HELZ: variants seen among roughly 807,000 people sequenced by gnomAD.
HELZ encodes helicase with zinc finger.
A neutral mutation model predicts 218.2 loss-of-function variants in HELZ; 23 were observed. The observed-to-expected ratio is 0.11, with a 90% CI of 0.08 to 0.15. The LOEUF (loss-of-function observed/expected upper bound fraction) is 0.15. Among genes scored for constraint, HELZ ranks in the 10% least tolerant of loss-of-function variants. The pLI is 1.00. For synonymous variants in HELZ, 814 were observed against 829.4 expected (o/e 0.98, Z 0.32); for missense variants, 1,813 against 2,353.7 (o/e 0.77, Z 4.75).
chr17:67,222,629 T>C (rs1360516456), intron 3 of HELZ, among the ~76,000 whole-genome samples: 1 of 152,196 alleles, frequency 6.6e-6, no homozygotes. Flanking sequence ...ATACAACGCA[T>C]GCTCCGTTCA....
At position 67,070,717 on chromosome 17, in the gene HELZ, T is replaced by C. The variant is rs1466502610; in HGVS notation, c.*7535A>G. On this transcript the variant is annotated 3_prime_UTR_variant, in exon 33 of 33. Transcript: ENST00000358691. ...TTATGGTACAAAGTCACTTTTACTT[T>C]TAAGGATAAACTCTTTAGGTATTAG... 6.6e-6 allele frequency: 1 copy of C among 152,188 alleles called. No individual in the cohort carries two copies. The highest frequency in any genetic ancestry group is 1.5e-5 in the Non-Finnish European group (1 of 68,034). 9.4% of individuals were successfully genotyped at this position (152,188 alleles called of 1,614,324 possible). A position where few individuals can be genotyped will look rare whatever the true frequency, so the allele number is the denominator to read the frequency against.
intron 24 of HELZ, among the ~76,000 whole-genome samples, chr17:67,128,258 C>T (rs1228290744): frequency 1.3e-5 from 2 of 152,118 alleles, no homozygotes; most frequent in Non-Finnish European, 2.9e-5. Flanking sequence ...TTGCTTTATA[C>T]AAATATCGTT....
At chr17:67,156,795 T>C (rs766708218) in intron 17 of HELZ, among the ~76,000 whole-genome samples, 2 of 152,104 alleles carry the variant, frequency 1.3e-5, no homozygotes, top group Non-Finnish European at 2.9e-5. Flanking sequence ...TAATATTTCA[T>C]TGTAAAATTG....
intron 20 of HELZ, among the ~76,000 whole-genome samples, chr17:67,148,053 G>A (rs2038559917): frequency 6.6e-6 from 1 of 152,150 alleles, no homozygotes; most frequent in East Asian, 1.9e-4. Context: ...CAAATTAAGT[G>A]AACCCAAAGA....
intron 13 of HELZ, among the ~76,000 whole-genome samples, chr17:67,171,832 G>GT (rs1171279326): frequency 6.8e-6 from 1 of 146,112 alleles, no homozygotes; most frequent in Admixed American, 6.7e-5. Context: ...CTTTTGTTTT[G>GT]TTTTGTTTTT....
intron 31 of HELZ, 40 bp downstream of exon 31, chr17:67,107,129 C>G (rs1415486388): frequency 6.6e-7 from 1 of 1,522,454 alleles, no homozygotes; most frequent in Non-Finnish European, 8.9e-7. Flanking sequence ...ATATTTTTCA[C>G]AATCAGCTAA....
Position 67,120,563 on chromosome 17 carries a change from A to G in HELZ, c.3680T>C (p.Ile1227Thr), listed in dbSNP as rs2037578647. 3 of 1,613,392 alleles carry G rather than the reference A, an allele frequency of 1.9e-6. No homozygotes were observed. Among genetic ancestry groups the G allele is most frequent in the South Asian group, 1.1e-5 (1 of 91,032 alleles). ...ATAGGCCATTGCTGCCTGATGTGTAATAATTCGAGGATCAACTGCAAACCT... is the reference window on the plus strand; with the variant it reads ...ATAGGCCATTGCTGCCTGATGTGTAGTAATTCGAGGATCAACTGCAAACCT... Reference protein sequence around the residue: ...QGRFAVDPRIITHQAAMAYNM... With the variant: ...QGRFAVDPRITTHQAAMAYNM... Residue 1227 changes from isoleucine to threonine, a missense_variant, in exon 27 of 33, where the codon ATT becomes ACT. Around this residue, in one of 4 missense-constraint regions of HELZ, gnomAD observed 938 missense variants for 1,027.5 expected, o/e 0.91. Transcript: ENST00000358691.
At chr17:67,085,566 T>A (rs72848832) in intron 32 of HELZ, among the ~76,000 whole-genome samples, 1 of 150,384 alleles carries the variant, frequency 6.6e-6, no homozygotes, top group Non-Finnish European at 1.5e-5. Context: ...TTTTTTTTAA[T>A]TTTTTTTACC....
chr17:67,195,519 G>C, intron 7 of HELZ, 49 bp from the exon 8 acceptor site: 1 of 1,055,304 alleles, frequency 9.5e-7, no homozygotes, highest in Non-Finnish European at 1.5e-6. Context: ...TAACGTTGAT[G>C]CTGAACTAAA....
At position 67,074,189 on chromosome 17, in the gene HELZ, G is replaced by A. The variant is rs897900393; in HGVS notation, c.*4063C>T. 1.3e-5 allele frequency: 2 copies of A among 151,384 alleles called. No homozygotes were observed. Among genetic ancestry groups the A allele is most frequent in the Admixed American group, 1.3e-4 (2 of 15,198 alleles). The allele number at this position is 151,384 out of a possible 1,614,324, so 9.4% of individuals were successfully genotyped here. On this transcript the variant is annotated 3_prime_UTR_variant, in exon 33 of 33. Transcript: ENST00000358691. The stretch of plus-strand genomic sequence containing the variant: ...GATTTTCATATGTTAAGGGGATGGT[G>A]AGCAAGAAATAATGTACGGTAAATC...
At chr17:67,221,650 C>A (rs1404087518) in intron 3 of HELZ, among the ~76,000 whole-genome samples, 1 of 152,142 alleles carries the variant, frequency 6.6e-6, no homozygotes, top group East Asian at 1.9e-4. Context: ...TTGCTCACCT[C>A]TAAACTGGGA....
At chr17:67,162,370 T>C (rs1031843819) in intron 15 of HELZ, among the ~76,000 whole-genome samples, 1 of 152,250 alleles carries the variant, frequency 6.6e-6, no homozygotes, top group Non-Finnish European at 1.5e-5. Flanking sequence ...ATATTTTTTC[T>C]GAAATTTGCC....
At chr17:67,178,966 C>T (rs1289847372) in intron 12 of HELZ, 40 bp from the exon 13 acceptor site, 8 of 1,389,524 alleles carry the variant, frequency 5.8e-6, no homozygotes, top group Non-Finnish European at 6.9e-6. Flanking sequence ...AGAAACAGAA[C>T]ATTAAAATTT....
chr17:67,083,380 G>A (rs886305651), intron 32 of HELZ, among the ~76,000 whole-genome samples: 5 of 151,932 alleles, frequency 3.3e-5, no homozygotes, highest in Admixed American at 6.6e-5. Flanking sequence ...AGTGGCTCAC[G>A]CCTGTAATCC....
intron 25 of HELZ, 129 bp downstream of exon 25, chr17:67,123,834 T>TGTGTGTGG: frequency 1.4e-6 from 1 of 722,438 alleles, no homozygotes; most frequent in Non-Finnish European, 2.6e-6. Flanking sequence ...TGTGTGTGTG[T>TGTGTGTGG]GTGTGTGTGT....
chr17:67,113,711 T>C (rs1231703744), intron 28 of HELZ, among the ~76,000 whole-genome samples: 4 of 152,148 alleles, frequency 2.6e-5, no homozygotes, highest in East Asian at 1.9e-4. Flanking sequence ...AATAGGATAA[T>C]AGAATGTGGA....
rs1157848377 is a variant in HELZ at position 67,218,742 on chromosome 17, G to C, written c.63C>G (p.Asp21Glu). The stretch of plus-strand genomic sequence containing the variant: ...TGCAGTGCTTGAGGGCCATTTCATA[G>C]TCCTGCCTCTTAAGTGATTCACATG... ...EQACESLKRQ[D>E]YEMALKHCTE... Residue 21 changes from aspartate to glutamate, a missense_variant, in exon 4 of 33, where the codon GAC becomes GAG. Around this residue, in one of 4 missense-constraint regions of HELZ, gnomAD observed 714 missense variants for 1,029.2 expected, o/e 0.69. Coordinates refer to ENST00000358691, the MANE Select transcript of HELZ (RefSeq NM_014877.4). The C allele has an allele frequency of 4.1e-5, 66 of 1,614,080 alleles. No individual in the cohort carries two copies. The highest frequency in any genetic ancestry group is 5.2e-5 in the Non-Finnish European group (61 of 1,180,048).
Position 67,193,957 on chromosome 17 carries a change from T to C in HELZ, c.557+10A>G, listed in dbSNP as rs1415587211. ...ATGTCATTGTTTAAAAACAAAAAAA[T>C]TCACATTACCTTTTACACAAAGTAT... On this transcript the variant is annotated intron_variant, in intron 9 of 32. Transcript: ENST00000358691. 6.2e-7 allele frequency: 1 copy of C among 1,610,502 alleles called. No homozygotes were observed. Among genetic ancestry groups the C allele is most frequent in the Non-Finnish European group, 8.5e-7 (1 of 1,177,646 alleles).
chr17:67,124,069 C>A, intron 24 of HELZ, 55 bp from the exon 25 acceptor site: 1 of 1,156,736 alleles, frequency 8.6e-7, no homozygotes, highest in Non-Finnish European at 1.3e-6. Flanking sequence ...TATTAGAAAA[C>A]AATAACCATT....
Sources: allele counts gnomAD v4.1 joint callset (sites outside exome capture counted in the v4.1 genomes callset), GRCh38; gene constraint gnomAD v4.1.1; regional missense constraint gnomAD v4.1.1; transcripts MANE v1.5; gene names NCBI Gene and HGNC (gene_info 2026-07-23, HGNC 2026-07-21).